LATS1: variants seen among roughly 807,000 people sequenced by gnomAD.
LATS1 encodes the protein serine/threonine-protein kinase LATS1.
LATS1 carries 25 observed loss-of-function variants against 106.6 expected under a neutral mutation model. The ratio of observed to expected loss-of-function variants is 0.23; its 90% CI spans 0.17 to 0.33. The LOEUF (loss-of-function observed/expected upper bound fraction) is 0.33. Among genes scored for constraint, LATS1 ranks in the 10% least tolerant of loss-of-function variants. The pLI, the probability that LATS1 is intolerant of heterozygous loss-of-function variation, is 1.00. For missense variants in LATS1, 1,040 were observed against 1,382.6 expected (o/e 0.75, Z 3.93); for synonymous variants, 465 against 455.6 (o/e 1.02, Z -0.26).
rs531551359 is a variant in LATS1, at chr6:149,718,099, G to T, written c.-391C>A. The T allele has an allele frequency of 7.3e-5, 21 of 289,198 alleles. No homozygotes were observed. The highest frequency in any genetic ancestry group is 5.0e-4 in the South Asian group (20 of 40,270). 17.9% of individuals were successfully genotyped at this position (289,198 alleles called of 1,614,324 possible). A position where few individuals can be genotyped will look rare whatever the true frequency, so the allele number is the denominator to read the frequency against. ...CTCAGTGTCGCCGCCGCCGCACTCC[G>T]CTGCAGGTTTCCCGGATGTGGGCAT... On this transcript the variant is annotated 5_prime_UTR_variant, in exon 1 of 8. Coordinates refer to ENST00000543571, the MANE Select transcript of LATS1 (RefSeq NM_004690.4).
In LATS1 at chr6:149,695,232, T is replaced by G. The variant is rs749764217; in HGVS notation, c.349-11A>C. 5 of 1,551,244 alleles carry G rather than the reference T, an allele frequency of 3.2e-6. No homozygotes were observed. In the South Asian group the frequency reaches 5.9e-5, roughly 18 times the overall value. ...TTGTATAACCATATCCTGATATGAA[T>G]TGAAGTTTAAAAAAAAAGAAACAAA... On this transcript the variant is annotated splice_polypyrimidine_tract_variant and intron_variant, in intron 2 of 7. Coordinates refer to ENST00000543571, the MANE Select transcript of LATS1 (RefSeq NM_004690.4).
intron 1 of LATS1, among the ~76,000 whole-genome samples, chr6:149,708,414 CAAAA>C (rs58138010): frequency 4.8e-5 from 5 of 104,246 alleles, no homozygotes; most frequent in Non-Finnish European, 8.4e-5. Context: ...GACTGGATCT[CAAAA>C]AAAAAAAAAA....
At position 149,717,904 on chromosome 6, in the gene LATS1, G is replaced by A. The variant is rs1354418684; in HGVS notation, c.-196C>T. Reference sequence around the variant, plus strand: ...GGCCACGGGCCTGAGGGCGGACGCTGAGGCGGCCAGAGTCCGTCCCAGCAA... The same window carrying A: ...GGCCACGGGCCTGAGGGCGGACGCTAAGGCGGCCAGAGTCCGTCCCAGCAA... On this transcript the variant is annotated 5_prime_UTR_variant, in exon 1 of 8. Coordinates refer to ENST00000543571, the MANE Select transcript of LATS1 (RefSeq NM_004690.4). 2.7e-6 allele frequency: 1 copy of A among 370,112 alleles called. No homozygotes were observed. Among genetic ancestry groups the A allele is most frequent in the Non-Finnish European group, 5.3e-6 (1 of 189,950 alleles). 22.9% of individuals were successfully genotyped at this position (370,112 alleles called of 1,614,324 possible). A position where few individuals can be genotyped will look rare whatever the true frequency, so the allele number is the denominator to read the frequency against.
At chr6:149,713,742 C>T (rs1410381819) in intron 1 of LATS1, among the ~76,000 whole-genome samples, 1 of 151,932 alleles carries the variant, frequency 6.6e-6, no homozygotes, top group African/African-American at 2.4e-5. Flanking sequence ...TGACTGCAAC[C>T]TCTGCCTCCC....
intron 7 of LATS1, among the ~76,000 whole-genome samples, chr6:149,673,565 A>C (rs751147335): frequency 1.3e-5 from 2 of 152,048 alleles, no homozygotes; most frequent in Non-Finnish European, 2.9e-5. Flanking sequence ...AGACAAAATA[A>C]AGATAATTTC....
intron 3 of LATS1, among the ~76,000 whole-genome samples, chr6:149,686,587 C>T (rs545437262): frequency 2.0e-5 from 3 of 152,324 alleles, no homozygotes; most frequent in African/African-American, 7.2e-5. Flanking sequence ...GCTGATACTA[C>T]TTTCCTTTCA....
chr6:149,705,221 A>T (rs1783696231), intron 1 of LATS1, among the ~76,000 whole-genome samples: 1 of 152,206 alleles, frequency 6.6e-6, no homozygotes, highest in Non-Finnish European at 1.5e-5. Context: ...TTTATGAAGG[A>T]AGCTGGTCCC....
At chr6:149,669,129 G>C (rs1203027488) in intron 7 of LATS1, among the ~76,000 whole-genome samples, 2 of 151,456 alleles carry the variant, frequency 1.3e-5, no homozygotes, top group Non-Finnish European at 2.9e-5. Context: ...GGCTGGATAA[G>C]GATTGATTGA....
chr6:149,691,204 C>G (rs1782729895), intron 3 of LATS1, among the ~76,000 whole-genome samples: 5 of 152,102 alleles, frequency 3.3e-5, no homozygotes, highest in Admixed American at 1.3e-4. Flanking sequence ...GCAGTATGAC[C>G]TGTATCCCTG....
At chr6:149,693,708 T>A (rs1351743444) in intron 3 of LATS1, among the ~76,000 whole-genome samples, 2 of 152,118 alleles carry the variant, frequency 1.3e-5, no homozygotes, top group Non-Finnish European at 2.9e-5. Flanking sequence ...AAGATGGTGT[T>A]TCCATAACCA....
chr6:149,717,806 G>T (rs935281171), intron 1 of LATS1, 43 bp downstream of exon 1: 3 of 279,612 alleles, frequency 1.1e-5, no homozygotes, highest in African/African-American at 2.4e-5. Context: ...CCGCCAACTC[G>T]AGCACTGGAG....
chr6:149,715,235 A>G (rs753470369), intron 1 of LATS1, among the ~76,000 whole-genome samples: 3 of 151,848 alleles, frequency 2.0e-5, no homozygotes, highest in Non-Finnish European at 2.9e-5. Context: ...CACCGAGCTA[A>G]TTTTTGTATT....
At chr6:149,711,273 GGTGCCTCACACCT>G (rs995004706) in intron 1 of LATS1, among the ~76,000 whole-genome samples, 4 of 151,912 alleles carry the variant, frequency 2.6e-5, no homozygotes, top group Admixed American at 2.6e-4. Flanking sequence ...GGCCGGGCAC[GGTGCCTCACACCT>G]GTAATTCCAG....
intron 1 of LATS1, among the ~76,000 whole-genome samples, chr6:149,706,338 C>T (rs556910334): frequency 6.6e-6 from 1 of 151,354 alleles, no homozygotes; most frequent in South Asian, 2.1e-4. Flanking sequence ...AAAACCCCGT[C>T]TCCACAAATA....
rs1424510041 is a variant in LATS1 at position 149,702,082 on chromosome 6, A to C, written c.45T>G (p.Pro15=). ...TATAGTTACTGGCAGGAAAGGTCTT[A>C]GGCCTCATTTGTCTATATCCTTCTG... ...EKPEGYRQMR[P]KTFPASNYTV... is the part of the protein sequence containing the mutation. Residue 15 remains proline, a synonymous_variant, in exon 2 of 8, where the codon CCT becomes CCG. Transcript: ENST00000543571. 2 of 1,613,904 alleles carry C rather than the reference A, an allele frequency of 1.2e-6. No individual in the cohort carries two copies. The highest frequency in any genetic ancestry group is 1.1e-5 in the South Asian group (1 of 91,068).
intron 7 of LATS1, among the ~76,000 whole-genome samples, chr6:149,673,002 C>A (rs546411224): frequency 2.6e-5 from 4 of 151,854 alleles, no homozygotes; most frequent in African/African-American, 7.3e-5. Flanking sequence ...GTACTTTACA[C>A]CTATAGATTC....
In LATS1 at chr6:149,695,232, T is replaced by C. The variant is rs749764217; in HGVS notation, c.349-11A>G. 6 of 1,551,244 alleles carry C rather than the reference T, an allele frequency of 3.9e-6. No homozygotes were observed. Among genetic ancestry groups the C allele is most frequent in the Admixed American group, 2.0e-5 (1 of 50,932 alleles). ...TTGTATAACCATATCCTGATATGAA[T>C]TGAAGTTTAAAAAAAAAGAAACAAA... is the stretch of plus-strand genomic sequence containing the variant. On this transcript the variant is annotated splice_polypyrimidine_tract_variant and intron_variant, in intron 2 of 7. Coordinates refer to ENST00000543571, the MANE Select transcript of LATS1 (RefSeq NM_004690.4).
At position 149,676,735 on chromosome 6, in the gene LATS1, C is replaced by T. The variant is rs1453233755; in HGVS notation, c.2596G>A (p.Asp866Asn). ...TCCATGCTATCTTGCCGTGGATGGT[C>T]ACCTGCACAACAAAAGAATAAGTAA... The part of the protein sequence containing the change: ...THDSKYYQSG[D>N]HPRQDSMDFS... The change falls in exon 6 of 8, where the codon GAC (aspartate) becomes AAC (asparagine). Residue 866 changes from aspartate (D) to asparagine (N), a missense_variant and splice_region_variant. This residue lies in a region of LATS1 where 63 missense variants were observed against 64.3 expected (regional missense o/e 0.98). Transcript: ENST00000543571. The T allele has an allele frequency of 6.2e-7, 1 of 1,609,204 alleles. No individual in the cohort carries two copies. The highest frequency in any genetic ancestry group is 2.2e-5 in the East Asian group (1 of 44,768).
At chr6:149,682,261 T>C (rs975811262) in intron 4 of LATS1, among the ~76,000 whole-genome samples, 1 of 152,128 alleles carries the variant, frequency 6.6e-6, no homozygotes, top group Non-Finnish European at 1.5e-5. Flanking sequence ...CAGTATATTA[T>C]AAAAATGAAA....
Sources: gnomAD v4.1 joint callset for allele counts (sites outside exome capture counted in the v4.1 genomes callset) on GRCh38, gnomAD v4.1.1 for gene constraint, gnomAD v4.1.1 regional missense constraint, MANE v1.5 for transcripts, NCBI Gene and HGNC (gene_info 2026-07-23, HGNC 2026-07-21) for gene names.